KHDRBS2: variants seen among roughly 807,000 people sequenced by gnomAD.
The protein encoded by KHDRBS2 is KH domain-containing, RNA-binding, signal transduction-associated protein 2.
KHDRBS2 carries 26 observed loss-of-function variants against 44.3 expected under a neutral mutation model. The observed-to-expected ratio is 0.59, with a 90% CI of 0.43 to 0.81. The LOEUF (loss-of-function observed/expected upper bound fraction) is 0.81. Among genes scored for constraint, KHDRBS2 ranks in the 40% least tolerant of loss-of-function variants. The probability of loss-of-function intolerance (pLI) is 0.00; values close to 1 mark genes in which losing one functional copy is unlikely to be tolerated. For missense variants in KHDRBS2, 476 were observed against 433.1 expected (o/e 1.10, Z -0.88); for synonymous variants, 194 against 151.1 (o/e 1.28, Z -2.08).
At chr6:61,670,449 T>C in the KHDRBS2 span, among the ~76,000 whole-genome samples, 1 of 151,468 alleles carries the variant, frequency 6.6e-6, no homozygotes, top group Admixed American at 6.6e-5. Flanking sequence ...AATAATTATT[T>C]ACTGGTCAAT....
At chr6:61,946,049 G>A (rs1813310019) in intron 4 of KHDRBS2, among the ~76,000 whole-genome samples, 1 of 152,152 alleles carries the variant, frequency 6.6e-6, no homozygotes, top group Admixed American at 6.5e-5. Flanking sequence ...AGATAATGCA[G>A]GCATCATCTC....
At chr6:61,644,337 C>A in the KHDRBS2 span, among the ~76,000 whole-genome samples, 1 of 152,012 alleles carries the variant, frequency 6.6e-6, no homozygotes, top group East Asian at 1.9e-4. Flanking sequence ...ATGTAAAACC[C>A]TGAATTATAA....
At chr6:61,797,328 T>A (rs1166800425) in intron 6 of KHDRBS2, among the ~76,000 whole-genome samples, 3 of 152,122 alleles carry the variant, frequency 2.0e-5, no homozygotes, top group Non-Finnish European at 2.9e-5. Flanking sequence ...CTTATTTCAA[T>A]TAATTTTCAT....
At chr6:62,136,983 TC>T (rs1360488228) in intron 2 of KHDRBS2, among the ~76,000 whole-genome samples, 1 of 146,360 alleles carries the variant, frequency 6.8e-6, no homozygotes, top group African/African-American at 2.5e-5. Flanking sequence ...CTTTCAGCTT[TC>T]TTTCTTTTCT....
intron 6 of KHDRBS2, among the ~76,000 whole-genome samples, chr6:61,839,658 A>G (rs768392957): frequency 5.9e-5 from 9 of 152,088 alleles, no homozygotes; most frequent in South Asian, 2.1e-4. Flanking sequence ...ATCATCAGCA[A>G]AAAAAGATAC....
At chr6:61,728,491 C>A (rs1455837459) in intron 7 of KHDRBS2, among the ~76,000 whole-genome samples, 1 of 151,940 alleles carries the variant, frequency 6.6e-6, no homozygotes, top group Admixed American at 6.6e-5. Context: ...AGATATTAAT[C>A]ACATATTTGT....
the KHDRBS2 span, among the ~76,000 whole-genome samples, chr6:61,545,652 G>T: frequency 6.6e-6 from 1 of 151,942 alleles, no homozygotes; most frequent in Non-Finnish European, 1.5e-5. Context: ...GATAAACTGA[G>T]ATCCTCTCTG....
rs189486274 is a variant in KHDRBS2 at position 62,134,453 on chromosome 6, G to C, written c.219+42732C>G. Among the ~76,000 whole-genome samples, 546 of 152,312 alleles carry C rather than the reference G, an allele frequency of 3.6e-3. 2 individuals are homozygous for C. Among genetic ancestry groups the C allele is most frequent in the African/African-American group, 0.013 (530 of 41,566 alleles). On this transcript the variant is annotated intron_variant, in intron 2 of 8. Transcript: ENST00000281156. ...TTTCTGCAGGGCCGAGGTCCTCATG[G>C]AGAACTTCTGCTTAGGGCATTGTGG...
chr6:61,974,473 T>C (rs1192434), intron 4 of KHDRBS2, among the ~76,000 whole-genome samples: 100,068 of 151,996 alleles, frequency 0.66, 33,162 homozygotes, highest in African/African-American at 0.74. Context: ...TTCTCGTTAC[T>C]CATCAAAAAA....
intron 4 of KHDRBS2, among the ~76,000 whole-genome samples, chr6:61,970,347 TAA>T (rs561484423): frequency 1.3e-5 from 2 of 150,280 alleles, no homozygotes; most frequent in African/African-American, 2.4e-5. Context: ...CAAATGCATT[TAA>T]AAAAAAAATC....
At chr6:62,074,161 A>T (rs958005724) in intron 2 of KHDRBS2, among the ~76,000 whole-genome samples, 6 of 152,014 alleles carry the variant, frequency 3.9e-5, no homozygotes, top group African/African-American at 1.4e-4. Context: ...AACTTCACTG[A>T]CACAAGGATC....
intron 8 of KHDRBS2, among the ~76,000 whole-genome samples, chr6:61,685,649 A>G (rs1269979044): frequency 1.3e-5 from 2 of 151,834 alleles, no homozygotes; most frequent in Non-Finnish European, 2.9e-5. Context: ...ACTGAGGAAC[A>G]TTTGACTGTG....
chr6:62,226,526 A>T (rs1343050863), intron 1 of KHDRBS2, among the ~76,000 whole-genome samples: 1 of 152,030 alleles, frequency 6.6e-6, no homozygotes, highest in Non-Finnish European at 1.5e-5. Flanking sequence ...TGTGCAGAAG[A>T]TCTTTAGTTT....
chr6:61,656,770 T>A, the KHDRBS2 span, among the ~76,000 whole-genome samples: 1 of 151,880 alleles, frequency 6.6e-6, no homozygotes, highest in African/African-American at 2.4e-5. Flanking sequence ...ACTGACTGAT[T>A]AAAATTACGG....
chr6:61,792,652 C>G (rs1784791395), intron 6 of KHDRBS2, among the ~76,000 whole-genome samples: 1 of 151,748 alleles, frequency 6.6e-6, no homozygotes, highest in Non-Finnish European at 1.5e-5. Flanking sequence ...TGAAAAGTCA[C>G]AATGACAACT....
At chr6:62,094,495 C>A (rs1800149546) in intron 2 of KHDRBS2, among the ~76,000 whole-genome samples, 1 of 151,782 alleles carries the variant, frequency 6.6e-6, no homozygotes, top group African/African-American at 2.4e-5. Flanking sequence ...TATCTCTTTG[C>A]TCTGTTGATT....
chr6:61,773,233 T>C lies in KHDRBS2; in HGVS notation c.811-40469A>G, dbSNP rs1277238015. The stretch of plus-strand genomic sequence containing the variant: ...ATCGCCACACTGACTTCCACAATGG[T>C]TGAAGTAGTTTACAGTCCCACCAAC... On this transcript the variant is annotated intron_variant, in intron 6 of 8. Coordinates refer to ENST00000281156, the MANE Select transcript of KHDRBS2 (RefSeq NM_152688.4). 2.6e-5 allele frequency among the ~76,000 whole-genome samples: 4 copies of C among 152,258 alleles called. No individual in the cohort carries two copies. In the East Asian group the frequency reaches 5.8e-4, roughly 22 times the overall value.
chr6:61,930,523 TAAAAAAAAAAAAAAAAAAAAAAGAAAAA>T (rs1304240972), intron 4 of KHDRBS2, among the ~76,000 whole-genome samples: 1 of 39,248 alleles, frequency 2.5e-5, no homozygotes, highest in African/African-American at 1.1e-4. Context: ...ATACCGCCCC[TAAAAAAAAAAAAAAAAAAAAAAGAAAAA>T]AAAAAAAAAA....
intron 2 of KHDRBS2, among the ~76,000 whole-genome samples, chr6:62,134,527 C>A (rs1221118150): frequency 6.6e-6 from 1 of 152,130 alleles, no homozygotes; most frequent in Non-Finnish European, 1.5e-5. Context: ...CACTGGGGCA[C>A]TTCCTAGTGG....
Sources: gnomAD v4.1 joint callset for allele counts (sites outside exome capture counted in the v4.1 genomes callset) on GRCh38, gnomAD v4.1.1 for gene constraint, MANE v1.5 for transcripts, NCBI Gene and HGNC (gene_info 2026-07-23, HGNC 2026-07-21) for gene names.